GRIN2B: variants seen among roughly 807,000 people sequenced by gnomAD.
GRIN2B encodes glutamate ionotropic receptor NMDA type subunit 2B, also known as glutamate receptor ionotropic, NMDA 2B.
Under a neutral mutation model 114.5 loss-of-function variants are expected in GRIN2B, and 5 were observed. That is an observed-to-expected ratio of 0.04 (90% CI 0.02 to 0.09). The LOEUF (loss-of-function observed/expected upper bound fraction) is 0.09. Among genes scored for constraint, GRIN2B ranks in the 10% least tolerant of loss-of-function variants. The pLI is 1.00. For missense variants in GRIN2B, 1,108 were observed against 1,943.5 expected, an observed-to-expected ratio of 0.57 and a Z score of 8.08; for synonymous variants, 787 against 745.1, an observed-to-expected ratio of 1.06 and a Z score of -0.92.
chr12:13,719,391 C>G (rs1950488167), intron 4 of GRIN2B, among the ~76,000 whole-genome samples: 2 of 150,542 alleles, frequency 1.3e-5, no homozygotes, highest in African/African-American at 2.5e-5. Context: ...CCCTTGTACT[C>G]TGTTGTAAAC....
intron 3 of GRIN2B, among the ~76,000 whole-genome samples, chr12:13,829,673 T>C (rs949016393): frequency 6.6e-6 from 1 of 152,216 alleles, no homozygotes; most frequent in Non-Finnish European, 1.5e-5. Context: ...TGTCCATTTC[T>C]AAGAGGGTGA....
chr12:13,657,706 TAA>T (rs1018215632), intron 5 of GRIN2B, among the ~76,000 whole-genome samples: 1 of 152,134 alleles, frequency 6.6e-6, no homozygotes, highest in Admixed American at 6.5e-5. Context: ...GGCAGAAATT[TAA>T]AAATCATGGG....
intron 4 of GRIN2B, among the ~76,000 whole-genome samples, chr12:13,694,723 C>A (rs1950246155): frequency 7.8e-6 from 1 of 127,998 alleles, no homozygotes; most frequent in Non-Finnish European, 1.6e-5. Context: ...ATATTGGTCA[C>A]CACATATCCA....
chr12:13,748,351 A>G (rs1863425189), intron 4 of GRIN2B, among the ~76,000 whole-genome samples: 1 of 152,228 alleles, frequency 6.6e-6, no homozygotes, highest in Non-Finnish European at 1.5e-5. Flanking sequence ...TGGCAGGTGT[A>G]CCATCACGTG....
At chr12:13,928,963 A>G (rs1866968883) in intron 2 of GRIN2B, among the ~76,000 whole-genome samples, 1 of 151,958 alleles carries the variant, frequency 6.6e-6, no homozygotes, top group African/African-American at 2.4e-5. Context: ...CTTAATAAGC[A>G]TTAACTAATT....
chr12:13,913,865 A>G (rs1430547271), intron 2 of GRIN2B, among the ~76,000 whole-genome samples: 1 of 152,218 alleles, frequency 6.6e-6, no homozygotes, highest in African/African-American at 2.4e-5. Context: ...TTCCTCATCT[A>G]TAAAATAGAC....
chr12:13,583,419 GGC>G (rs1948878208), intron 10 of GRIN2B, among the ~76,000 whole-genome samples: 2 of 152,154 alleles, frequency 1.3e-5, no homozygotes, highest in African/African-American at 4.8e-5. Context: ...ATTTGAATAA[GGC>G]CATACAGCTA....
chr12:13,720,134 T>C (rs1950493902), intron 4 of GRIN2B, among the ~76,000 whole-genome samples: 1 of 152,012 alleles, frequency 6.6e-6, no homozygotes, highest in East Asian at 1.9e-4. Context: ...CGAGTCAGCC[T>C]GGCTTTGTCT....
rs1182766625 is a variant in GRIN2B at position 13,758,294 on chromosome 12, C to G, written c.412-4379G>C. Among the ~76,000 whole-genome samples the G allele has an allele frequency of 2.0e-5, 3 of 152,076 alleles. No homozygotes were observed. The East Asian group carries it at 5.8e-4, about 29-fold the overall frequency. On this transcript the variant is annotated intron_variant, in intron 3 of 13. Coordinates refer to ENST00000609686, the MANE Select transcript of GRIN2B (RefSeq NM_000834.5). ...ATCTCAAAAGCACCCCCTAATAAAC[C>G]CCCTGCACACTAACCTCAGGCTCAG...
At chr12:13,657,845 T>C (rs1565491015) in intron 5 of GRIN2B, among the ~76,000 whole-genome samples, 1 of 152,230 alleles carries the variant, frequency 6.6e-6, no homozygotes, top group Non-Finnish European at 1.5e-5. Flanking sequence ...ATTGTGATTA[T>C]AGATTATAAA....
intron 3 of GRIN2B, among the ~76,000 whole-genome samples, chr12:13,862,117 C>T (rs2136742075): frequency 6.6e-6 from 1 of 152,290 alleles, no homozygotes; most frequent in African/African-American, 2.4e-5. Flanking sequence ...ACTCAGCTAG[C>T]CCCCGTGCTT....
chr12:13,947,357 T>C (rs1867380493), intron 2 of GRIN2B, among the ~76,000 whole-genome samples: 1 of 152,178 alleles, frequency 6.6e-6, no homozygotes. Flanking sequence ...GTAGGCTGCA[T>C]GTTGCTTTCT....
intron 3 of GRIN2B, among the ~76,000 whole-genome samples, chr12:13,797,976 A>G (rs191143487): frequency 4.6e-5 from 7 of 152,288 alleles, no homozygotes; most frequent in Admixed American, 2.0e-4. Context: ...TCAGTTTGTA[A>G]GAAGACTTTC....
At chr12:13,907,711 T>G (rs10466773) in intron 2 of GRIN2B, among the ~76,000 whole-genome samples, 25,251 of 152,046 alleles carry the variant, frequency 0.17, 2,290 homozygotes, top group Non-Finnish European at 0.19. Flanking sequence ...ATATGGATGT[T>G]ATACATATGA....
chr12:13,837,440 G>T (rs970821851), intron 3 of GRIN2B, among the ~76,000 whole-genome samples: 1 of 152,186 alleles, frequency 6.6e-6, no homozygotes, highest in African/African-American at 2.4e-5. Context: ...GGGGAGGGAG[G>T]CATGGTGCCT....
rs1163517869 is a variant in GRIN2B at position 13,552,750 on chromosome 12, A to G, written c.*10033T>C. ...TCAGGAGCAAGGCTATCTAGACCCCATAGGACTTTTGAAAAGCAAAATTAT... is the reference window on the plus strand; with the variant it reads ...TCAGGAGCAAGGCTATCTAGACCCCGTAGGACTTTTGAAAAGCAAAATTAT... On this transcript the variant is annotated 3_prime_UTR_variant, in exon 14 of 14. Transcript: ENST00000609686. 2.0e-5 allele frequency: 3 copies of G among 152,172 alleles called. No homozygotes were observed. The highest frequency in any genetic ancestry group is 2.9e-5 in the Non-Finnish European group (2 of 68,020). The allele number at this position is 152,172 out of a possible 1,614,324, so 9.4% of individuals were successfully genotyped here.
intron 4 of GRIN2B, among the ~76,000 whole-genome samples, chr12:13,687,142 C>A (rs11832499): frequency 6.6e-6 from 1 of 152,018 alleles, no homozygotes; most frequent in African/African-American, 2.4e-5. Flanking sequence ...AAAAGTAAAC[C>A]TTTTTCCTTT....
intron 2 of GRIN2B, among the ~76,000 whole-genome samples, chr12:13,897,566 G>A (rs1866373859): frequency 1.3e-5 from 2 of 152,116 alleles, no homozygotes; most frequent in African/African-American, 2.4e-5. Flanking sequence ...TTCTCCCAAT[G>A]AGTCGAGAGC....
intron 5 of GRIN2B, among the ~76,000 whole-genome samples, chr12:13,644,790 C>A (rs1949748125): frequency 6.6e-6 from 1 of 152,122 alleles, no homozygotes; most frequent in Non-Finnish European, 1.5e-5. Flanking sequence ...GGCTTCTTTC[C>A]TTAAACCTCA....
Sources: gnomAD v4.1 joint callset for allele counts (sites outside exome capture counted in the v4.1 genomes callset) on GRCh38, gnomAD v4.1.1 for gene constraint, MANE v1.5 for transcripts, NCBI Gene and HGNC (gene_info 2026-07-23, HGNC 2026-07-21) for gene names.